DIP2C: variants seen among roughly 807,000 people sequenced by gnomAD.
The protein encoded by DIP2C is DIP2 acetate--CoA ligase C (putative).
DIP2C carries 33 observed loss-of-function variants against 192.4 expected under a neutral mutation model. The observed-to-expected ratio is 0.17, with a 90% CI of 0.13 to 0.23. DIP2C has a LOEUF of 0.23. DIP2C is among the 10% of genes least tolerant of loss of function. The probability of loss-of-function intolerance (pLI) is 1.00; values close to 1 mark genes in which losing one functional copy is unlikely to be tolerated. For synonymous variants in DIP2C, 979 were observed against 864.1 expected (o/e 1.13, Z -2.33); for missense variants, 1,537 against 2,110.1 (o/e 0.73, Z 5.32).
chr10:302,327 T>C (rs945328680), intron 32 of DIP2C, among the ~76,000 whole-genome samples: 1 of 151,986 alleles, frequency 6.6e-6, no homozygotes, highest in African/African-American at 2.4e-5. Flanking sequence ...GTGTGCAGGA[T>C]CACATGGCCA....
At chr10:597,387 CCTGA>C (rs1349144794) in intron 1 of DIP2C, among the ~76,000 whole-genome samples, 1 of 152,186 alleles carries the variant, frequency 6.6e-6, no homozygotes, top group Non-Finnish European at 1.5e-5. Context: ...TCTGGAGAGC[CCTGA>C]CTAAGCTGCC....
At chr10:646,340 C>T (rs1011607726) in intron 1 of DIP2C, among the ~76,000 whole-genome samples, 9 of 152,150 alleles carry the variant, frequency 5.9e-5, no homozygotes, top group East Asian at 1.9e-4. Context: ...CCACACTCCA[C>T]GCCTCCTTCC....
chr10:615,147 C>A (rs553189362), intron 1 of DIP2C, among the ~76,000 whole-genome samples: 1 of 152,218 alleles, frequency 6.6e-6, no homozygotes, highest in East Asian at 1.9e-4. Context: ...TGACACTTCT[C>A]GGAGAGAGAC....
intron 1 of DIP2C, among the ~76,000 whole-genome samples, chr10:620,851 C>T (rs1210124486): frequency 2.0e-5 from 3 of 152,238 alleles, no homozygotes; most frequent in Non-Finnish European, 2.9e-5. Context: ...TAAAGCTCTG[C>T]AACTCTCAAA....
At chr10:373,893 AAT>A (rs1216091220) in intron 17 of DIP2C, among the ~76,000 whole-genome samples, 1 of 152,174 alleles carries the variant, frequency 6.6e-6, no homozygotes, top group Non-Finnish European at 1.5e-5. Context: ...ATCACCAATA[AAT>A]AGTCTGGGCT....
chr10:432,014 G>A (rs757306105), intron 4 of DIP2C, among the ~76,000 whole-genome samples: 7 of 151,884 alleles, frequency 4.6e-5, no homozygotes, highest in East Asian at 3.9e-4. Context: ...GATGAATTAC[G>A]TTAATTGGTT....
intron 32 of DIP2C, among the ~76,000 whole-genome samples, chr10:309,712 C>T (rs1416785974): frequency 1.3e-5 from 2 of 152,108 alleles, no homozygotes; most frequent in African/African-American, 2.4e-5. Context: ...GTGCCCGCCA[C>T]CAAACCTGGG....
At chr10:602,569 C>T (rs1167181543) in intron 1 of DIP2C, among the ~76,000 whole-genome samples, 3 of 152,176 alleles carry the variant, frequency 2.0e-5, no homozygotes, top group Non-Finnish European at 4.4e-5. Flanking sequence ...GAGATGTTGC[C>T]GTCTGTGAGC....
intron 24 of DIP2C, among the ~76,000 whole-genome samples, chr10:355,744 T>C (rs1439069880): frequency 2.6e-5 from 4 of 152,222 alleles, no homozygotes; most frequent in Non-Finnish European, 4.4e-5. Flanking sequence ...ATGATTTTCA[T>C]TCCTGAGTCT....
chr10:607,255 C>G (rs1852560500), intron 1 of DIP2C, among the ~76,000 whole-genome samples: 1 of 152,204 alleles, frequency 6.6e-6, no homozygotes, highest in African/African-American at 2.4e-5. Context: ...TAAGGCAGCT[C>G]AAACACCTAA....
chr10:283,605 G>A (rs553588565), intron 34 of DIP2C, among the ~76,000 whole-genome samples, 159 bp from the exon 35 acceptor site: 1 of 152,240 alleles, frequency 6.6e-6, no homozygotes, highest in African/African-American at 2.4e-5. Flanking sequence ...CGGGTTTCTC[G>A]AGAGACACAC....
chr10:463,319 A>G (rs1406227548), intron 3 of DIP2C, among the ~76,000 whole-genome samples: 2 of 152,214 alleles, frequency 1.3e-5, no homozygotes, highest in African/African-American at 2.4e-5. Context: ...TACAAAATCA[A>G]TGTGCAAAAA....
At chr10:437,074 C>T (rs998855502) in intron 4 of DIP2C, among the ~76,000 whole-genome samples, 1 of 143,776 alleles carries the variant, frequency 7.0e-6, no homozygotes, top group Non-Finnish European at 1.5e-5. Context: ...CCGCCCACAC[C>T]TGAGCTCTCT....
intron 22 of DIP2C, among the ~76,000 whole-genome samples, chr10:360,839 G>T (rs1959391554): frequency 6.6e-6 from 1 of 152,188 alleles, no homozygotes; most frequent in Admixed American, 6.5e-5. Context: ...GTGTCAATAG[G>T]CTGTCTCTGT....
chr10:408,363 G>A (rs919665613), intron 9 of DIP2C, among the ~76,000 whole-genome samples: 2 of 152,028 alleles, frequency 1.3e-5, no homozygotes, highest in Non-Finnish European at 2.9e-5. Context: ...TAAATTTTAC[G>A]ATCAGGAAAT....
At position 472,450 on chromosome 10, in the gene DIP2C, C is replaced by A; in HGVS notation, c.257G>T (p.Arg86Leu). ...CACCCCGTGCTTACCTGACCGATAG[C>A]GCTCATCTCGTGACCCTGAAGACCG... ...RRRSSGSRDE[R>L]YRSDVHTEAV... is the part of the protein sequence containing the mutation. The change falls in exon 3 of 37, where the codon CGC becomes CTC. Residue 86 changes from arginine (R) to leucine (L), a missense_variant. Arg to Leu is a moderately radical substitution (Grantham distance 102). Around this residue, in one of 4 missense-constraint regions of DIP2C, gnomAD observed 473 missense variants for 539.6 expected, o/e 0.88. Coordinates refer to ENST00000280886, the MANE Select transcript of DIP2C (RefSeq NM_014974.3). 6.2e-7 allele frequency: 1 copy of A among 1,614,046 alleles called. No individual in the cohort carries two copies. Among genetic ancestry groups the A allele is most frequent in the Non-Finnish European group, 8.5e-7 (1 of 1,179,948 alleles).
intron 31 of DIP2C, among the ~76,000 whole-genome samples, chr10:318,869 G>C (rs1956884688): frequency 6.6e-6 from 1 of 151,428 alleles, no homozygotes; most frequent in Non-Finnish European, 1.5e-5. Flanking sequence ...TTTATTTTGA[G>C]AATTAAGATT....
At chr10:378,911 A>T (rs1368346504) in intron 17 of DIP2C, among the ~76,000 whole-genome samples, 1 of 152,242 alleles carries the variant, frequency 6.6e-6, no homozygotes, top group Non-Finnish European at 1.5e-5. Context: ...AGACACGGAC[A>T]CAGACATGCG....
At chr10:313,740 T>A (rs377159116) in intron 31 of DIP2C, among the ~76,000 whole-genome samples, 19 of 152,342 alleles carry the variant, frequency 1.2e-4, no homozygotes, top group South Asian at 8.3e-4. Context: ...AAAATAACTT[T>A]CTTACTGACA....
Sources: allele counts gnomAD v4.1 joint callset (sites outside exome capture counted in the v4.1 genomes callset), GRCh38; gene constraint gnomAD v4.1.1; regional missense constraint gnomAD v4.1.1; transcripts MANE v1.5; gene names NCBI Gene and HGNC (gene_info 2026-07-23, HGNC 2026-07-21).